The following RFPL4A variants were observed in gnomAD, a reference collection of about 807,000 sequenced individuals.
RFPL4A encodes the protein ret finger protein-like 4A.
In RFPL4A, 4 loss-of-function variants were observed where a neutral mutation model predicts 8.3. The ratio of observed to expected loss-of-function variants is 0.48; its 90% CI spans 0.24 to 1.10. The LOEUF (loss-of-function observed/expected upper bound fraction) is 1.10, where lower values mean the gene tolerates loss of function less well. RFPL4A is among the 50% of genes least tolerant of loss of function. The pLI is 0.18. For synonymous variants in RFPL4A, 43 were observed against 136.6 expected (o/e 0.31, Z 4.78); for missense variants, 111 against 358.7 (o/e 0.31, Z 5.58).
At chr19:55,761,319 A>G (rs1344706345) in intron 1 of RFPL4A, among the ~76,000 whole-genome samples, 1 of 137,852 alleles carries the variant, frequency 7.3e-6, no homozygotes, top group African/African-American at 2.7e-5. Context: ...ATAGAACAAA[A>G]CAAGCCTAAT....
intron 1 of RFPL4A, among the ~76,000 whole-genome samples, chr19:55,760,033 T>G (rs1264524165): frequency 6.6e-5 from 10 of 151,752 alleles, no homozygotes; most frequent in Admixed American, 6.6e-4. Flanking sequence ...TTTGACATGC[T>G]GACTTCTTTC....
upstream of RFPL4A, among the ~76,000 whole-genome samples, chr19:55,757,479 G>A (rs961574099): frequency 1.3e-5 from 2 of 152,092 alleles, no homozygotes; most frequent in African/African-American, 2.4e-5. Flanking sequence ...CTGCAGGGAC[G>A]GGGCATGGAG....
rs1325960597 is a variant in RFPL4A, at chr19:55,761,274, G to A, written c.-9-518G>A. On this transcript the variant is annotated intron_variant, in intron 1 of 2. Transcript: ENST00000434937. The stretch of plus-strand genomic sequence containing the variant: ...TAGAAACATAAGATAACCCATATAT[G>A]TAATGGTAAATTCAGTTTCTGGTAG... Among the ~76,000 whole-genome samples, 2 of 138,398 alleles carry A rather than the reference G, an allele frequency of 1.4e-5. 1 individual carries two copies. The highest frequency in any genetic ancestry group is 5.3e-5 in the African/African-American group (2 of 37,884). The allele number at this position is 138,398 out of a possible 152,430, so 90.8% of individuals were successfully genotyped here. A position where few individuals can be genotyped will look rare whatever the true frequency, so the allele number is the denominator to read the frequency against.
At chr19:55,758,888 A>C (rs1989227350), upstream of RFPL4A, 1 of 150,812 alleles carries the variant, frequency 6.6e-6, no homozygotes, top group South Asian at 2.1e-4. Flanking sequence ...AATATTCAAG[A>C]TCTTATCTAA....
upstream of RFPL4A, among the ~76,000 whole-genome samples, chr19:55,757,518 A>T (rs766421062): frequency 2.0e-5 from 3 of 152,106 alleles, no homozygotes; most frequent in Non-Finnish European, 4.4e-5. Flanking sequence ...TGGGATGTTG[A>T]AGGACAGGTT....
In RFPL4A at chr19:55,761,738, G is replaced by C; in HGVS notation, c.-9-54G>C. On this transcript the variant is annotated intron_variant, in intron 1 of 2. Coordinates refer to ENST00000434937, the MANE Select transcript of RFPL4A (RefSeq NM_001145014.2). Reference sequence around the variant, plus strand: ...AAGATAAAAGCCCCAAACACTATCAGCTGTTCATTCAGCTCGTGGAAATTC... The same window carrying C: ...AAGATAAAAGCCCCAAACACTATCACCTGTTCATTCAGCTCGTGGAAATTC... The C allele has an allele frequency of 2.1e-6, 3 of 1,444,182 alleles. 1 individual carries two copies. Among genetic ancestry groups the C allele is most frequent in the Non-Finnish European group, 2.8e-6 (3 of 1,059,066 alleles). 89.5% of individuals were successfully genotyped at this position (1,444,182 alleles called of 1,614,324 possible).
chr19:55,761,357 T>G (rs1989278514), intron 1 of RFPL4A, among the ~76,000 whole-genome samples: 1 of 136,628 alleles, frequency 7.3e-6, no homozygotes, highest in Non-Finnish European at 1.6e-5. Flanking sequence ...ATAATATCGT[T>G]TAACATGTGA....
At chr19:55,759,430 A>G (rs1470865042) in intron 1 of RFPL4A, among the ~76,000 whole-genome samples, 2 of 151,856 alleles carry the variant, frequency 1.3e-5, no homozygotes, top group African/African-American at 2.4e-5. Flanking sequence ...GAAATGATGG[A>G]CAGAGGTTCG....
upstream of RFPL4A, among the ~76,000 whole-genome samples, chr19:55,758,850 TA>T (rs1989226578): frequency 6.6e-6 from 1 of 150,956 alleles, no homozygotes; most frequent in Non-Finnish European, 1.5e-5. Flanking sequence ...TAATTTTAAT[TA>T]ATTTCCAAAT....
At position 55,763,401 on chromosome 19, in the gene RFPL4A, T is replaced by A. The variant is rs1447163099; in HGVS notation, c.*226T>A. ...GGCTTATGTTTATATTTCTGTTCAA[T>A]AAATATTTTGAAAATTCAGATTCAT... On this transcript the variant is annotated 3_prime_UTR_variant, in exon 3 of 3. Coordinates refer to ENST00000434937, the MANE Select transcript of RFPL4A (RefSeq NM_001145014.2). Among the ~76,000 whole-genome samples, 1 of 150,206 alleles carries A rather than the reference T, an allele frequency of 6.7e-6. No homozygotes were observed. The highest frequency in any genetic ancestry group is 2.5e-5 in the African/African-American group (1 of 39,588).
intron 1 of RFPL4A, among the ~76,000 whole-genome samples, chr19:55,760,664 C>A (rs1280319487): frequency 1.3e-5 from 2 of 151,506 alleles, no homozygotes; most frequent in African/African-American, 4.9e-5. Flanking sequence ...ATTACTGTGG[C>A]AATGCTTTGA....
At chr19:55,759,803 T>C (rs1318917893) in intron 1 of RFPL4A, among the ~76,000 whole-genome samples, 4 of 151,490 alleles carry the variant, frequency 2.6e-5, no homozygotes, top group East Asian at 2.0e-4. Context: ...ACTGAGATCA[T>C]ACAGTGTTTA....
At chr19:55,757,736 A>ACC (rs1252383365), upstream of RFPL4A, among the ~76,000 whole-genome samples, 13 of 152,246 alleles carry the variant, frequency 8.5e-5, no homozygotes, top group African/African-American at 3.1e-4. Context: ...TGAACGGAAG[A>ACC]ACTCCTCTCC....
At chr19:55,762,198 C>T in intron 2 of RFPL4A, 112 bp downstream of exon 2, 1 of 663,174 alleles carries the variant, frequency 1.5e-6, no homozygotes, top group Non-Finnish European at 2.6e-6. Context: ...TCTAAAACTT[C>T]CATGCTTCAC....
chr19:55,759,929 C>T (rs1989248112), intron 1 of RFPL4A, among the ~76,000 whole-genome samples: 1 of 151,628 alleles, frequency 6.6e-6, no homozygotes, highest in Non-Finnish European at 1.5e-5. Context: ...TATATACCAC[C>T]ATTTCCTCAT....
At chr19:55,761,567 T>C (rs1437399130) in intron 1 of RFPL4A, among the ~76,000 whole-genome samples, 1 of 147,220 alleles carries the variant, frequency 6.8e-6, no homozygotes, top group East Asian at 1.9e-4. Flanking sequence ...TCAAAGTCTT[T>C]CGGTGAATCA....
intron 1 of RFPL4A, 90 bp from the exon 2 acceptor site, chr19:55,761,702 C>T: frequency 2.0e-6 from 3 of 1,469,024 alleles, no homozygotes; most frequent in Non-Finnish European, 2.8e-6. Flanking sequence ...TATGATAGCT[C>T]CATGCATGTA....
intron 1 of RFPL4A, among the ~76,000 whole-genome samples, chr19:55,760,975 CTT>C (rs990709895): frequency 6.8e-6 from 1 of 146,460 alleles, no homozygotes; most frequent in Admixed American, 6.8e-5. Context: ...ATTATTTTGG[CTT>C]TTTTTTCTTT....
chr19:55,759,610 G>A (rs1026466966), intron 1 of RFPL4A, among the ~76,000 whole-genome samples: 1 of 151,654 alleles, frequency 6.6e-6, no homozygotes, highest in Non-Finnish European at 1.5e-5. Context: ...GAAATGAAAA[G>A]CAAAGTTTGT....
Sources: gnomAD v4.1 joint callset for allele counts (sites outside exome capture counted in the v4.1 genomes callset) on GRCh38, gnomAD v4.1.1 for gene constraint, MANE v1.5 for transcripts, NCBI Gene and HGNC (gene_info 2026-07-23, HGNC 2026-07-21) for gene names.